Variants in EVI5 observed in about 807,000 individuals in gnomAD.
EVI5 encodes the protein ecotropic viral integration site 5 protein homolog.
EVI5 carries 73 observed loss-of-function variants against 112.0 expected under a neutral mutation model. The ratio of observed to expected loss-of-function variants is 0.65; its 90% CI spans 0.54 to 0.79. EVI5 has a LOEUF of 0.79. Among genes scored for constraint, EVI5 ranks in the 30% least tolerant of loss-of-function variants. EVI5 has a pLI of 0.00. For missense variants in EVI5, 900 were observed against 968.8 expected, an observed-to-expected ratio of 0.93 and a Z score of 0.94; for synonymous variants, 305 against 319.9, an observed-to-expected ratio of 0.95 and a Z score of 0.50.
At chr1:92,519,614 C>T (rs77843261) in intron 19 of EVI5, among the ~76,000 whole-genome samples, 4,913 of 152,058 alleles carry the variant, frequency 0.032, 87 homozygotes, top group Non-Finnish European at 0.049. Context: ...TTAAGTTGGC[C>T]GGGTGCAGTG....
chr1:92,785,713 C>G (rs546295698), upstream of EVI5, among the ~76,000 whole-genome samples: 1 of 152,256 alleles, frequency 6.6e-6, no homozygotes, highest in Non-Finnish European at 1.5e-5. Context: ...ACGGAAACAG[C>G]CTATTAATTT....
intron 13 of EVI5, among the ~76,000 whole-genome samples, chr1:92,638,450 G>C (rs61040863): frequency 6.6e-6 from 1 of 152,144 alleles, no homozygotes; most frequent in Admixed American, 6.5e-5. Flanking sequence ...AGGTCATCAT[G>C]ATGGTGGCCA....
intron 1 of EVI5, among the ~76,000 whole-genome samples, chr1:92,748,845 T>A (rs1040220798): frequency 6.6e-6 from 1 of 152,020 alleles, no homozygotes; most frequent in Admixed American, 6.6e-5. Flanking sequence ...TGCGGGCAGA[T>A]CACCTGAGGT....
intron 1 of EVI5, among the ~76,000 whole-genome samples, chr1:92,744,596 TCTCTCACA>T (rs1355060195): frequency 0.012 from 303 of 25,536 alleles, no homozygotes; most frequent in East Asian, 0.016. Context: ...TCTCTCTCTC[TCTCTCACA>T]CACACACACA....
intron 14 of EVI5, among the ~76,000 whole-genome samples, chr1:92,634,374 GTTTCT>G (rs983129883): frequency 1.3e-5 from 2 of 152,032 alleles, no homozygotes; most frequent in Non-Finnish European, 2.9e-5. Flanking sequence ...GACTTTTTTC[GTTTCT>G]TTTTATTCTT....
chr1:92,510,119 T>G lies in EVI5; in HGVS notation c.*3537A>C, dbSNP rs1659102365. The G allele has an allele frequency of 6.6e-6, 1 of 152,218 alleles. No individual in the cohort carries two copies. Among genetic ancestry groups the G allele is most frequent in the African/African-American group, 2.4e-5 (1 of 41,458 alleles). The allele number at this position is 152,218 out of a possible 1,614,324, so 9.4% of individuals were successfully genotyped here. ...AAGAGTGTTATTTCTAGTTTTTTGT[T>G]GTCCAAATTACAAGAGTTTCAACGG... On this transcript the variant is annotated 3_prime_UTR_variant, in exon 20 of 20. Coordinates refer to ENST00000684568, the MANE Select transcript of EVI5 (RefSeq NM_001350197.2).
intron 1 of EVI5, among the ~76,000 whole-genome samples, chr1:92,766,421 G>A (rs1331824611): frequency 6.6e-6 from 1 of 151,846 alleles, no homozygotes; most frequent in African/African-American, 2.4e-5. Context: ...TTCAGAACAA[G>A]TAACTCTTAA....
intron 9 of EVI5, among the ~76,000 whole-genome samples, chr1:92,678,912 T>A (rs1025124654): frequency 6.6e-6 from 1 of 152,188 alleles, no homozygotes; most frequent in Non-Finnish European, 1.5e-5. Context: ...GAAACTTCTG[T>A]ATAGTCACAG....
At chr1:92,650,527 A>T (rs1661902938) in intron 13 of EVI5, among the ~76,000 whole-genome samples, 1 of 152,004 alleles carries the variant, frequency 6.6e-6, no homozygotes, top group African/African-American at 2.4e-5. Flanking sequence ...CTTTTAACCT[A>T]ACAAGATCTT....
intron 18 of EVI5, among the ~76,000 whole-genome samples, chr1:92,596,172 C>G (rs1291375533): frequency 6.6e-6 from 1 of 152,068 alleles, no homozygotes; most frequent in Non-Finnish European, 1.5e-5. Context: ...GTCTGGGGAA[C>G]ATGGCGAAAC....
At chr1:92,590,607 A>G (rs1399668830) in intron 18 of EVI5, among the ~76,000 whole-genome samples, 1 of 152,212 alleles carries the variant, frequency 6.6e-6, no homozygotes, top group African/African-American at 2.4e-5. Flanking sequence ...GAAATATGGG[A>G]CTATGTGAAA....
chr1:92,648,753 C>T lies in EVI5; in HGVS notation c.1393-12417G>A, dbSNP rs562375481. On this transcript the variant is annotated intron_variant, in intron 13 of 19. Transcript: ENST00000684568. ...TGAATAATATTCCATTGTGTGTATA[C>T]GACAATTTGTTAATCCATTCACCCA... is the stretch of plus-strand genomic sequence containing the variant. Among the ~76,000 whole-genome samples, 197 of 152,192 alleles carry T rather than the reference C, an allele frequency of 1.3e-3. 1 individual carries two copies. The highest frequency in any genetic ancestry group is 4.6e-3 in the African/African-American group (191 of 41,502).
In EVI5 at chr1:92,736,604, T is replaced by C. The variant is rs1197534949; in HGVS notation, c.-58A>G. ...CCCATGAGAGAGTAGAGCTCAGCTT[T>C]TCTGCAACTTTGTCTGTCGCCACCT... On this transcript the variant is annotated 5_prime_UTR_variant, in exon 2 of 20. Transcript: ENST00000684568. 1.2e-6 allele frequency: 2 copies of C among 1,613,920 alleles called. No homozygotes were observed. The highest frequency in any genetic ancestry group is 1.7e-6 in the Non-Finnish European group (2 of 1,179,804).
At chr1:92,593,334 T>C (rs1342973870) in intron 18 of EVI5, among the ~76,000 whole-genome samples, 8 of 152,100 alleles carry the variant, frequency 5.3e-5, no homozygotes, top group Admixed American at 3.3e-4. Context: ...GATTATCTCA[T>C]AAGATGCAGA....
chr1:92,635,168 C>G, intron 14 of EVI5, among the ~76,000 whole-genome samples: 1 of 152,218 alleles, frequency 6.6e-6, no homozygotes, highest in East Asian at 1.9e-4. Flanking sequence ...TCTCAGATCT[C>G]AAGCTGCGTG....
chr1:92,778,313 G>A (rs1231886342), intron 1 of EVI5, among the ~76,000 whole-genome samples: 1 of 151,840 alleles, frequency 6.6e-6, no homozygotes, highest in African/African-American at 2.4e-5. Context: ...AGAGTGGAAG[G>A]GGGACTAAAA....
At chr1:92,742,595 C>T (rs1442338192) in intron 1 of EVI5, among the ~76,000 whole-genome samples, 1 of 151,804 alleles carries the variant, frequency 6.6e-6, no homozygotes, top group Non-Finnish European at 1.5e-5. Flanking sequence ...ATCGCTTGAA[C>T]GCAGGAGGTG....
intron 19 of EVI5, among the ~76,000 whole-genome samples, chr1:92,541,330 A>T (rs1664772219): frequency 6.6e-6 from 1 of 152,232 alleles, no homozygotes; most frequent in African/African-American, 2.4e-5. Context: ...TAGGCGAAGG[A>T]TCTAAATAAG....
rs147585550 is a variant in EVI5, at chr1:92,517,207, C to T, written c.2167-3237G>A. On this transcript the variant is annotated intron_variant, in intron 19 of 19. Transcript: ENST00000684568. ...GGTTTCCTCTATACTGAACATGTAC[C>T]GACTCTTTTCTTGTCATCATCACCT... Among the ~76,000 whole-genome samples the T allele has an allele frequency of 5.5e-4, 84 of 152,196 alleles. 3 individuals are homozygous for T. The East Asian group carries it at 0.013, about 23-fold the overall frequency.
Sources: gnomAD v4.1 joint callset for allele counts (sites outside exome capture counted in the v4.1 genomes callset) on GRCh38, gnomAD v4.1.1 for gene constraint, MANE v1.5 for transcripts, NCBI Gene and HGNC (gene_info 2026-07-23, HGNC 2026-07-21) for gene names.